GRB14: variants seen among roughly 807,000 people sequenced by gnomAD.
The protein encoded by GRB14 is growth factor receptor-bound protein 14.
GRB14 carries 38 observed loss-of-function variants against 69.1 expected under a neutral mutation model. That is an observed-to-expected ratio of 0.55 (90% CI 0.42 to 0.72). The LOEUF is 0.72. GRB14 is among the 30% of genes least tolerant of loss of function. GRB14 has a pLI of 0.00. For missense variants in GRB14, 666 were observed against 666.1 expected (o/e 1.00, Z 0.00); for synonymous variants, 247 against 241.3 (o/e 1.02, Z -0.22).
chr2:164,618,826 G>A (rs529448580), intron 2 of GRB14, among the ~76,000 whole-genome samples: 2 of 152,142 alleles, frequency 1.3e-5, no homozygotes, highest in South Asian at 2.1e-4. Context: ...TCTTGTCCTC[G>A]CTGTTCATTA....
In GRB14 at chr2:164,619,783, T is replaced by A. The variant is rs376639015; in HGVS notation, c.228A>T (p.Pro76=). ...KKKDLDVPEM[P]SIPNPFPELC... is the part of the protein sequence containing the mutation. Reference sequence around the variant, plus strand: ...GCTCAGGAAAAGGGTTTGGAATAGATGGCATTTCCGGAACATCAAGATCTT... The same window carrying A: ...GCTCAGGAAAAGGGTTTGGAATAGAAGGCATTTCCGGAACATCAAGATCTT... The change falls in exon 2 of 14, where the codon CCA becomes CCT. Residue 76 remains proline (P), a synonymous_variant. Coordinates refer to ENST00000263915, the MANE Select transcript of GRB14 (RefSeq NM_004490.3). 155 of 1,611,230 alleles carry A rather than the reference T, an allele frequency of 9.6e-5. No individual in the cohort carries two copies. Among genetic ancestry groups the A allele is most frequent in the Non-Finnish European group, 1.3e-4 (149 of 1,178,048 alleles).
At chr2:164,582,406 T>A (rs1689429547) in intron 2 of GRB14, among the ~76,000 whole-genome samples, 2 of 119,190 alleles carry the variant, frequency 1.7e-5, no homozygotes, top group African/African-American at 8.0e-5. Flanking sequence ...TCAGCTCTTA[T>A]TTATTTATTT....
intron 2 of GRB14, among the ~76,000 whole-genome samples, chr2:164,594,720 G>A (rs1689743908): frequency 6.6e-6 from 1 of 152,180 alleles, no homozygotes; most frequent in African/African-American, 2.4e-5. Context: ...CTCTTCATAA[G>A]TGATTCTATG....
At chr2:164,520,390 A>G (rs932996445) in intron 6 of GRB14, among the ~76,000 whole-genome samples, 2 of 152,200 alleles carry the variant, frequency 1.3e-5, no homozygotes, top group Non-Finnish European at 2.9e-5. Flanking sequence ...TAAGACCTGA[A>G]GCCACAAAAG....
chr2:164,521,949 G>T (rs1190580189), intron 6 of GRB14, 31 bp downstream of exon 6: 3 of 1,555,412 alleles, frequency 1.9e-6, no homozygotes, highest in Non-Finnish European at 2.6e-6. Context: ...TAATATGTCA[G>T]TCATAACACA....
At chr2:164,584,147 A>ATTTTTTTTTTTTTTTTTT (rs55883951) in intron 2 of GRB14, among the ~76,000 whole-genome samples, 1 of 49,896 alleles carries the variant, frequency 2.0e-5, no homozygotes, top group Non-Finnish European at 3.4e-5. Context: ...CAGCCTGGCT[A>ATTTTTTTTTTTTTTTTTT]TTTTTTTTTT....
Position 164,619,725 on chromosome 2 carries a change from C to A in GRB14, c.286G>T (p.Ala96Ser), listed in dbSNP as rs375035593. The A allele has an allele frequency of 1.3e-6, 2 of 1,595,300 alleles. No homozygotes were observed. The highest frequency in any genetic ancestry group is 2.7e-5 in the African/African-American group (2 of 73,950). ...CCSPFTSVLS[A>S]DLFPKANSRK... is the part of the protein sequence containing the mutation. ...GAATTTGCTTTGGGAAATAGGTCTG[C>A]TGACAACACAGATGTAAATGGAGAA... The change falls in exon 2 of 14, where the codon GCA becomes TCA. Residue 96 changes from alanine to serine, a missense_variant. Physicochemically the swap from Ala to Ser is moderately conservative, Grantham distance 99. Transcript: ENST00000263915.
intron 2 of GRB14, among the ~76,000 whole-genome samples, chr2:164,597,052 A>G (rs1689801711): frequency 6.6e-6 from 1 of 152,222 alleles, no homozygotes; most frequent in Non-Finnish European, 1.5e-5. Flanking sequence ...ACATCAATCC[A>G]TAACATTACA....
At chr2:164,564,347 T>C (rs1688911214) in intron 2 of GRB14, among the ~76,000 whole-genome samples, 1 of 152,226 alleles carries the variant, frequency 6.6e-6, no homozygotes, top group Admixed American at 6.5e-5. Context: ...TAAGGAAGCC[T>C]GGACTGATTT....
intron 3 of GRB14, among the ~76,000 whole-genome samples, chr2:164,543,836 T>G (rs1053390001): frequency 2.0e-5 from 3 of 152,302 alleles, no homozygotes; most frequent in South Asian, 4.1e-4. Context: ...AAGGCAAAAC[T>G]AAAACAAAAA....
chr2:164,589,726 G>A (rs992716993), intron 2 of GRB14, among the ~76,000 whole-genome samples: 2 of 152,130 alleles, frequency 1.3e-5, no homozygotes, highest in African/African-American at 2.4e-5. Flanking sequence ...TCAACATGAG[G>A]TTTGGAGGGG....
intron 9 of GRB14, among the ~76,000 whole-genome samples, chr2:164,499,239 T>C (rs1473584054): frequency 6.6e-6 from 1 of 152,124 alleles, no homozygotes; most frequent in East Asian, 1.9e-4. Flanking sequence ...CCTATTTTTC[T>C]CCCTCTAGTA....
chr2:164,526,921 A>C, intron 4 of GRB14, 93 bp downstream of exon 4: 1 of 778,030 alleles, frequency 1.3e-6, no homozygotes, highest in Non-Finnish European at 1.9e-6. Flanking sequence ...TTTACCGAAT[A>C]GGACTGTATT....
At chr2:164,511,264 G>A (rs1187595291) in intron 6 of GRB14, among the ~76,000 whole-genome samples, 1 of 152,204 alleles carries the variant, frequency 6.6e-6, no homozygotes, top group African/African-American at 2.4e-5. Flanking sequence ...ACAAGCTGGT[G>A]AGCAACAGCT....
chr2:164,595,996 C>T (rs1001172665), intron 2 of GRB14, among the ~76,000 whole-genome samples: 1 of 152,026 alleles, frequency 6.6e-6, no homozygotes, highest in African/African-American at 2.4e-5. Context: ...TGGTGGCATG[C>T]GCCTGTAGTC....
chr2:164,599,115 A>G (rs1689857043), intron 2 of GRB14, among the ~76,000 whole-genome samples: 1 of 152,208 alleles, frequency 6.6e-6, no homozygotes, highest in East Asian at 1.9e-4. Flanking sequence ...AAACCTTGGC[A>G]GAGATGGCTG....
intron 4 of GRB14, 42 bp from the exon 5 acceptor site, chr2:164,525,120 A>T (rs779348927): frequency 1.2e-5 from 16 of 1,282,916 alleles, no homozygotes; most frequent in Middle Eastern, 1.9e-4. Context: ...AATTCATGCT[A>T]GAAAAGATTC....
chr2:164,578,794 C>A (rs1689318979), intron 2 of GRB14, among the ~76,000 whole-genome samples: 1 of 152,144 alleles, frequency 6.6e-6, no homozygotes. Context: ...AAGCCATGCC[C>A]TTGACATAGG....
At chr2:164,534,690 T>C (rs1171987388) in intron 3 of GRB14, among the ~76,000 whole-genome samples, 1 of 152,182 alleles carries the variant, frequency 6.6e-6, no homozygotes, top group East Asian at 1.9e-4. Flanking sequence ...AAGCAAATTT[T>C]AACCAAGTAA....
Sources: allele counts gnomAD v4.1 joint callset (sites outside exome capture counted in the v4.1 genomes callset), GRCh38; gene constraint gnomAD v4.1.1; transcripts MANE v1.5; gene names NCBI Gene and HGNC (gene_info 2026-07-23, HGNC 2026-07-21).